The following ULK4 variants were observed in gnomAD, a reference collection of about 807,000 sequenced individuals.
ULK4 encodes the protein inactive serine/threonine-protein kinase ULK4.
ULK4 carries 133 observed loss-of-function variants against 160.6 expected under a neutral mutation model. That is an observed-to-expected ratio of 0.83 (90% CI 0.72 to 0.96). The LOEUF is 0.96. Among genes scored for constraint, ULK4 ranks in the 40% least tolerant of loss-of-function variants. The pLI, the probability that ULK4 is intolerant of heterozygous loss-of-function variation, is 0.00. For missense variants in ULK4, 1,580 were observed against 1,499.5 expected (o/e 1.05, Z -0.89); for synonymous variants, 534 against 539.8 (o/e 0.99, Z 0.15).
chr3:41,891,417 C>T (rs1163627499), intron 16 of ULK4, among the ~76,000 whole-genome samples: 3 of 142,082 alleles, frequency 2.1e-5, no homozygotes, highest in Non-Finnish European at 4.5e-5. Context: ...TTCCTAGAGA[C>T]AATCTAGTAA....
chr3:41,901,455 C>T (rs369119958), intron 12 of ULK4, among the ~76,000 whole-genome samples: 318 of 131,052 alleles, frequency 2.4e-3, no homozygotes, highest in African/African-American at 7.4e-3. Context: ...GCTGGGATTA[C>T]AGGCGTGAGC....
At chr3:41,659,195 T>C (rs1316973359) in intron 30 of ULK4, among the ~76,000 whole-genome samples, 1 of 152,206 alleles carries the variant, frequency 6.6e-6, no homozygotes, top group African/African-American at 2.4e-5. Context: ...GAAAACTCCT[T>C]TGTGGTACAG....
intron 5 of ULK4, among the ~76,000 whole-genome samples, chr3:41,928,427 C>T (rs1037143313): frequency 6.6e-6 from 1 of 151,576 alleles, no homozygotes; most frequent in Non-Finnish European, 1.5e-5. Flanking sequence ...ACCCTAACAT[C>T]GCAATTAAAA....
intron 32 of ULK4, among the ~76,000 whole-genome samples, chr3:41,522,150 C>T (rs541836108): frequency 4.1e-5 from 6 of 144,638 alleles, no homozygotes; most frequent in Non-Finnish European, 7.5e-5. Context: ...TTTTTGAGAC[C>T]GAGTCTTACT....
rs191175518 is a variant in ULK4, at chr3:41,750,766, C to T, written c.2321+3595G>A. Among the ~76,000 whole-genome samples, 390 of 151,786 alleles carry T rather than the reference C, an allele frequency of 2.6e-3. 2 individuals carry two copies. The highest frequency in any genetic ancestry group is 4.0e-3 in the Non-Finnish European group (272 of 67,896). ...ATCCCAGCACTTTGGGAGGTCAAGG[C>T]GGGTGGATTATTTGAGGTCGGGAGT... is the stretch of plus-strand genomic sequence containing the variant. On this transcript the variant is annotated intron_variant, in intron 22 of 36. Transcript: ENST00000301831.
chr3:41,447,433 A>T (rs2083325816), intron 34 of ULK4, among the ~76,000 whole-genome samples: 1 of 152,162 alleles, frequency 6.6e-6, no homozygotes. Context: ...AACCTAGAGC[A>T]GGCAGCCTTG....
chr3:41,887,897 T>G (rs1463520479), intron 16 of ULK4, among the ~76,000 whole-genome samples: 1 of 151,496 alleles, frequency 6.6e-6, no homozygotes, highest in African/African-American at 2.4e-5. Flanking sequence ...GTAAAGTGAC[T>G]CACATCTGTA....
At chr3:41,654,108 T>C (rs1575533423) in intron 30 of ULK4, among the ~76,000 whole-genome samples, 1 of 152,370 alleles carries the variant, frequency 6.6e-6, no homozygotes, top group East Asian at 1.9e-4. Context: ...ATAACTATCC[T>C]GGCTGGAGTC....
At chr3:41,859,617 C>A in intron 17 of ULK4, 1 of 494,012 alleles carries the variant, frequency 2.0e-6, no homozygotes, top group South Asian at 1.5e-5. Context: ...AGCTGCCAGC[C>A]TCTGCCCCAC....
At chr3:41,626,135 G>A (rs2033494738) in intron 30 of ULK4, among the ~76,000 whole-genome samples, 1 of 152,076 alleles carries the variant, frequency 6.6e-6, no homozygotes, top group African/African-American at 2.4e-5. Flanking sequence ...TTGTATATCT[G>A]TGGTTTATAT....
intron 35 of ULK4, among the ~76,000 whole-genome samples, chr3:41,366,224 C>T (rs1013958171): frequency 1.3e-5 from 2 of 152,184 alleles, no homozygotes; most frequent in African/African-American, 4.8e-5. Context: ...ACTATAGGTG[C>T]AATTCACTTC....
intron 15 of ULK4, among the ~76,000 whole-genome samples, chr3:41,896,432 T>C (rs772941222): frequency 6.6e-6 from 1 of 152,086 alleles, no homozygotes; most frequent in Non-Finnish European, 1.5e-5. Context: ...TTTTGTACTT[T>C]TAGTAGAGAC....
At chr3:41,302,965 T>C (rs1246691787) in intron 35 of ULK4, among the ~76,000 whole-genome samples, 1 of 152,170 alleles carries the variant, frequency 6.6e-6, no homozygotes, top group African/African-American at 2.4e-5. Flanking sequence ...CATTCTAAAA[T>C]ATAGAATATA....
chr3:41,765,846 G>T (rs1421874947), intron 21 of ULK4, among the ~76,000 whole-genome samples: 1 of 152,076 alleles, frequency 6.6e-6, no homozygotes, highest in Admixed American at 6.5e-5. Context: ...AAGTATGTAT[G>T]AACAGTCCAG....
chr3:41,800,922 C>A (rs1391218106), intron 19 of ULK4, among the ~76,000 whole-genome samples: 2 of 152,142 alleles, frequency 1.3e-5, no homozygotes, highest in African/African-American at 4.8e-5. Flanking sequence ...GAAGTACTTA[C>A]AGAAATTTTA....
chr3:41,424,303 C>A (rs1259255579), intron 34 of ULK4, among the ~76,000 whole-genome samples: 1 of 152,178 alleles, frequency 6.6e-6, no homozygotes, highest in East Asian at 1.9e-4. Flanking sequence ...GAGGGGCAGC[C>A]ATGGTCTTTT....
rs771394923 is a variant in ULK4, at chr3:41,615,702, G to C, written c.3087C>G (p.Ser1029Arg). ...NPTFTRLVEE[S>R]KLIPLIFEVT... Reference sequence around the variant, plus strand: ...CTTCAAAAATGAGTGGGATCAGTTTGCTTTCTTCCACAAGTCTGTTAAAAA... The same window carrying C: ...CTTCAAAAATGAGTGGGATCAGTTTCCTTTCTTCCACAAGTCTGTTAAAAA... The change falls in exon 31 of 37, where the codon AGC (serine) becomes AGG (arginine). Residue 1029 changes from serine (S) to arginine (R), a missense_variant. By Grantham distance (110) the Ser-to-Arg change is moderately radical. Coordinates refer to ENST00000301831, the MANE Select transcript of ULK4 (RefSeq NM_017886.4). 1 of 1,613,050 alleles carries C rather than the reference G, an allele frequency of 6.2e-7. No homozygotes were observed. The highest frequency in any genetic ancestry group is 1.1e-5 in the South Asian group (1 of 90,858).
At chr3:41,360,261 AAAC>A (rs2081115489) in intron 35 of ULK4, among the ~76,000 whole-genome samples, 1 of 152,190 alleles carries the variant, frequency 6.6e-6, no homozygotes, top group Admixed American at 6.5e-5. Context: ...AAAAGTCAAA[AAAC>A]AACAATGCTG....
intron 1 of ULK4, among the ~76,000 whole-genome samples, chr3:41,961,550 A>C (rs867673349): frequency 1.8e-4 from 23 of 124,630 alleles, no homozygotes; most frequent in South Asian, 4.8e-4. Flanking sequence ...GTAGTCACTC[A>C]CCCCCCCCCC....
Sources: allele counts gnomAD v4.1 joint callset (sites outside exome capture counted in the v4.1 genomes callset), GRCh38; gene constraint gnomAD v4.1.1; transcripts MANE v1.5; gene names NCBI Gene and HGNC (gene_info 2026-07-23, HGNC 2026-07-21).